KCNK9: variants seen among roughly 807,000 people sequenced by gnomAD.
KCNK9 encodes the protein potassium two pore domain channel subfamily K member 9, also known as potassium channel subfamily K member 9.
A neutral mutation model predicts 10.8 loss-of-function variants in KCNK9; 1 was observed. The observed-to-expected ratio is 0.09, with a 90% confidence interval of 0.03 to 0.44. The LOEUF is 0.44. KCNK9 is among the 20% of genes least tolerant of loss of function. The probability of loss-of-function intolerance (pLI) is 0.97; values close to 1 mark genes in which losing one functional copy is unlikely to be tolerated. For synonymous variants in KCNK9, 231 were observed against 222.7 expected (o/e 1.04, Z -0.33); for missense variants, 303 against 515.0 (o/e 0.59, Z 3.98).
chr8:139,624,797 C>T (rs1205799356), intron 1 of KCNK9, among the ~76,000 whole-genome samples: 2 of 152,188 alleles, frequency 1.3e-5, no homozygotes, highest in African/African-American at 2.4e-5. Context: ...ACCCGGGGGC[C>T]GGTGATGCCC....
intron 1 of KCNK9, among the ~76,000 whole-genome samples, chr8:139,665,741 G>A (rs192184850): frequency 6.6e-6 from 1 of 152,334 alleles, no homozygotes; most frequent in East Asian, 1.9e-4. Context: ...CCCACAGCCT[G>A]CTGTCCAGAC....
chr8:139,604,272 T>C (rs1265251932), intron 2 of KCNK9, among the ~76,000 whole-genome samples: 1 of 152,252 alleles, frequency 6.6e-6, no homozygotes, highest in Non-Finnish European at 1.5e-5. Flanking sequence ...TCCTCTGCCC[T>C]GTGGGGCTCA....
At chr8:139,668,112 C>A (rs1256459194) in intron 1 of KCNK9, among the ~76,000 whole-genome samples, 1 of 152,086 alleles carries the variant, frequency 6.6e-6, no homozygotes, top group African/African-American at 2.4e-5. Flanking sequence ...CATTTTTTAG[C>A]AATAAAGTAT....
At chr8:139,637,785 A>ACACACACACACACACACACAC (rs3032725) in intron 1 of KCNK9, among the ~76,000 whole-genome samples, 38 of 149,624 alleles carry the variant, frequency 2.5e-4, no homozygotes, top group Non-Finnish European at 3.1e-4. Flanking sequence ...ACACACACAC[A>ACACACACACACACACACACAC]ATAATAGTAA....
At chr8:139,652,195 C>G (rs928721299) in intron 1 of KCNK9, among the ~76,000 whole-genome samples, 3 of 152,176 alleles carry the variant, frequency 2.0e-5, no homozygotes, top group African/African-American at 4.8e-5. Context: ...ACAGCAGAGA[C>G]AGTAAAAAAC....
chr8:139,630,980 C>T (rs1223071391), intron 1 of KCNK9, among the ~76,000 whole-genome samples: 1 of 152,224 alleles, frequency 6.6e-6, no homozygotes, highest in Non-Finnish European at 1.5e-5. Flanking sequence ...AGAGCCTGTG[C>T]CTCAGGGGCT....
intron 1 of KCNK9, among the ~76,000 whole-genome samples, chr8:139,663,383 C>T (rs1816212895): frequency 6.6e-6 from 1 of 152,108 alleles, no homozygotes; most frequent in South Asian, 2.1e-4. Context: ...ATGCTCTCGG[C>T]GCCCCCATCA....
At position 139,702,998 on chromosome 8, in the gene KCNK9, C is replaced by G. The variant is rs757798930; in HGVS notation, c.-6G>C. ...CGCACGTTCTGCCTCTTCATGGCCG[C>G]CAGCAAGGAGCCGGCGCGGGGGGCA... On this transcript the variant is annotated 5_prime_UTR_variant, in exon 1 of 2. Transcript: ENST00000520439. The surrounding 1 kb of genome is among the most constrained non-coding windows in gnomAD (Gnocchi z 7.5). 6.4e-7 allele frequency: 1 copy of G among 1,562,362 alleles called. No homozygotes were observed. The highest frequency in any genetic ancestry group is 8.6e-7 in the Non-Finnish European group (1 of 1,156,228).
At chr8:139,629,541 G>A (rs938718337) in intron 1 of KCNK9, among the ~76,000 whole-genome samples, 30 of 152,132 alleles carry the variant, frequency 2.0e-4, no homozygotes, top group Non-Finnish European at 2.6e-4. Context: ...CAGTCCTGAC[G>A]GGCATTACAG....
At chr8:139,653,246 A>G (rs1815921404) in intron 1 of KCNK9, among the ~76,000 whole-genome samples, 1 of 152,212 alleles carries the variant, frequency 6.6e-6, no homozygotes, top group East Asian at 1.9e-4. Context: ...TTATCATAAG[A>G]TGCCACAGAT....
intron 1 of KCNK9, among the ~76,000 whole-genome samples, chr8:139,658,991 A>T (rs1355943015): frequency 6.6e-6 from 1 of 151,752 alleles, no homozygotes; most frequent in Non-Finnish European, 1.5e-5. Context: ...AGCTCCCAGA[A>T]GGTCTGTGAT....
intron 1 of KCNK9, among the ~76,000 whole-genome samples, chr8:139,698,320 G>C (rs1346680525): frequency 6.6e-6 from 1 of 152,174 alleles, no homozygotes; most frequent in Non-Finnish European, 1.5e-5. Context: ...CTTCCAAGAG[G>C]CCCACTCTGG....
At chr8:139,605,696 T>A (rs1332259815) in intron 2 of KCNK9, among the ~76,000 whole-genome samples, 1 of 152,214 alleles carries the variant, frequency 6.6e-6, no homozygotes, top group Non-Finnish European at 1.5e-5. Flanking sequence ...AACACCACAT[T>A]AAATGATTTT....
chr8:139,635,722 A>C (rs1815316280), intron 1 of KCNK9, among the ~76,000 whole-genome samples: 1 of 152,210 alleles, frequency 6.6e-6, no homozygotes, highest in Admixed American at 6.5e-5. Flanking sequence ...ATCACAAAAG[A>C]AAGCTAAAGA....
At chr8:139,605,387 C>T (rs1301811608) in intron 2 of KCNK9, among the ~76,000 whole-genome samples, 3 of 152,194 alleles carry the variant, frequency 2.0e-5, no homozygotes, top group Non-Finnish European at 2.9e-5. Flanking sequence ...TGAGTCAGCA[C>T]ATAAAGTCCA....
At chr8:139,616,269 A>T (rs1814586444), downstream of KCNK9, 1 of 152,200 alleles carries the variant, frequency 6.6e-6, no homozygotes, top group Non-Finnish European at 1.5e-5. Flanking sequence ...TAGAGTCAAC[A>T]ATCTCATCCA....
At chr8:139,629,144 G>C (rs150067932) in intron 1 of KCNK9, among the ~76,000 whole-genome samples, 1 of 152,230 alleles carries the variant, frequency 6.6e-6, no homozygotes, top group African/African-American at 2.4e-5. Flanking sequence ...GGATTGGAAG[G>C]CTGAGCCTCG....
intron 1 of KCNK9, among the ~76,000 whole-genome samples, chr8:139,651,093 T>G (rs2129674479): frequency 6.6e-6 from 1 of 152,232 alleles, no homozygotes; most frequent in East Asian, 1.9e-4. Context: ...GGAAGAGTAC[T>G]GGGCTGCAGG....
At chr8:139,655,551 C>G (rs555667157) in intron 1 of KCNK9, among the ~76,000 whole-genome samples, 1 of 152,178 alleles carries the variant, frequency 6.6e-6, no homozygotes, top group Admixed American at 6.5e-5. Flanking sequence ...AGGAGGGAGG[C>G]AGGAAGCTGA....
Sources: allele counts gnomAD v4.1 joint callset (sites outside exome capture counted in the v4.1 genomes callset), GRCh38; gene constraint gnomAD v4.1.1; non-coding constraint Gnocchi (gnomAD v3.1); transcripts MANE v1.5; gene names NCBI Gene and HGNC (gene_info 2026-07-23, HGNC 2026-07-21).